UMAD1: variants seen among roughly 807,000 people sequenced by gnomAD.
UMAD1 encodes UBAP1-MVB12-associated (UMA)-domain containing protein 1.
A neutral mutation model predicts 6.1 loss-of-function variants in UMAD1; 8 were observed. That is an observed-to-expected ratio of 1.30 (90% CI 0.76 to 2.35). UMAD1 has a LOEUF of 2.35. Ranked by LOEUF, UMAD1 falls within the 30% of genes most tolerant of loss-of-function variation. The pLI, the probability that UMAD1 is intolerant of heterozygous loss-of-function variation, is 0.00. For synonymous variants in UMAD1, 56 were observed against 31.4 expected (o/e 1.78, Z -2.61); for missense variants, 130 against 78.4 (o/e 1.66, Z -2.49).
intron 2 of UMAD1, among the ~76,000 whole-genome samples, chr7:7,789,634 C>A (rs1782531118): frequency 7.0e-6 from 1 of 143,864 alleles, no homozygotes; most frequent in Non-Finnish European, 1.5e-5. Flanking sequence ...TCCCCACAGA[C>A]CCTGGAAACC....
chr7:7,713,469 T>TC (rs957168249), intron 2 of UMAD1, among the ~76,000 whole-genome samples: 5 of 150,982 alleles, frequency 3.3e-5, no homozygotes, highest in Middle Eastern at 3.4e-3. Flanking sequence ...GTTCTGCTCC[T>TC]CCCCCCCATG....
At chr7:7,755,141 A>G (rs1456857212) in intron 2 of UMAD1, among the ~76,000 whole-genome samples, 1 of 152,172 alleles carries the variant, frequency 6.6e-6, no homozygotes, top group Non-Finnish European at 1.5e-5. Flanking sequence ...TCTCACTGCT[A>G]TTTTAATATG....
At chr7:7,828,719 C>T (rs1029343390) in intron 3 of UMAD1, among the ~76,000 whole-genome samples, 5 of 145,982 alleles carry the variant, frequency 3.4e-5, no homozygotes, top group Admixed American at 2.8e-4. Context: ...GCCTTTGAAG[C>T]TCTCCTGAAC....
In UMAD1 at chr7:7,830,889, T is replaced by C. The variant is rs1355225511; in HGVS notation, c.156+29146T>C. Among the ~76,000 whole-genome samples, 1 of 152,166 alleles carries C rather than the reference T, an allele frequency of 6.6e-6. No homozygotes were observed. Among genetic ancestry groups the C allele is most frequent in the African/African-American group, 2.4e-5 (1 of 41,442 alleles). ...TCTGCATAGAAAAATTTGTTATTAGTTTTTATGAATAAGCCAATCACCCAA... is the reference window on the plus strand; with the variant it reads ...TCTGCATAGAAAAATTTGTTATTAGCTTTTATGAATAAGCCAATCACCCAA... On this transcript the variant is annotated intron_variant, in intron 3 of 3. Transcript: ENST00000682710. The surrounding 1 kb of genome is among the most constrained non-coding windows in gnomAD (Gnocchi z 5.3).
intron 2 of UMAD1, among the ~76,000 whole-genome samples, chr7:7,778,265 TGTGTGTGTGTGAGA>T (rs1159498168): frequency 4.6e-5 from 5 of 109,402 alleles, no homozygotes; most frequent in African/African-American, 9.4e-5. Context: ...TGTGTGTGTG[TGTGTGTGTGTGAGA>T]GAGAGAGAGA....
intron 3 of UMAD1, among the ~76,000 whole-genome samples, chr7:7,858,370 T>TATC (rs1456505523): frequency 6.6e-6 from 1 of 152,208 alleles, no homozygotes; most frequent in Admixed American, 6.5e-5. Flanking sequence ...GAATTCTGAT[T>TATC]ATCAACTCAC....
intron 1 of UMAD1, among the ~76,000 whole-genome samples, chr7:7,665,739 G>C (rs565682191): frequency 1.3e-5 from 2 of 151,174 alleles, no homozygotes; most frequent in Admixed American, 1.3e-4. Flanking sequence ...TTCTTTCACT[G>C]TACACTAGTT....
intron 3 of UMAD1, among the ~76,000 whole-genome samples, chr7:7,831,146 G>A (rs1234456534): frequency 6.6e-6 from 1 of 152,096 alleles, no homozygotes; most frequent in Non-Finnish European, 1.5e-5. Context: ...TTAATTTGAT[G>A]TAAATCCTCA....
chr7:7,868,976 G>A (rs1276508028), intron 3 of UMAD1, among the ~76,000 whole-genome samples: 2 of 152,152 alleles, frequency 1.3e-5, no homozygotes, highest in East Asian at 3.8e-4. Context: ...CTGGGAACTT[G>A]GAGAAAAAGA....
intron 2 of UMAD1, among the ~76,000 whole-genome samples, chr7:7,786,461 A>G (rs1292277345): frequency 6.6e-6 from 1 of 152,172 alleles, no homozygotes; most frequent in African/African-American, 2.4e-5. Flanking sequence ...ATTACTGAAA[A>G]TGTCAACCAT....
At chr7:7,642,990 G>A (rs1785009430) in intron 1 of UMAD1, among the ~76,000 whole-genome samples, 1 of 152,132 alleles carries the variant, frequency 6.6e-6, no homozygotes, top group Non-Finnish European at 1.5e-5. Flanking sequence ...ATTCATCTAT[G>A]TTGACGAATG....
intron 2 of UMAD1, among the ~76,000 whole-genome samples, chr7:7,695,143 T>C (rs1780279219): frequency 6.6e-6 from 1 of 152,220 alleles, no homozygotes; most frequent in Non-Finnish European, 1.5e-5. Context: ...ATCAGTAATG[T>C]TGAGCACCTT....
At chr7:7,831,629 C>T (rs767761731) in intron 3 of UMAD1, among the ~76,000 whole-genome samples, 10 of 152,134 alleles carry the variant, frequency 6.6e-5, no homozygotes, top group Admixed American at 1.3e-4. Context: ...GTTGAGAGCC[C>T]GGAACTGGGA....
At chr7:7,653,493 T>C (rs1314237915) in intron 1 of UMAD1, among the ~76,000 whole-genome samples, 1 of 152,114 alleles carries the variant, frequency 6.6e-6, no homozygotes, top group Non-Finnish European at 1.5e-5. Flanking sequence ...GGTTTTCACA[T>C]GTATAGCATT....
intron 1 of UMAD1, among the ~76,000 whole-genome samples, chr7:7,644,711 A>G (rs1375046218): frequency 6.6e-6 from 1 of 152,068 alleles, no homozygotes; most frequent in African/African-American, 2.4e-5. Context: ...CTATTTTTCT[A>G]TCCCTGAACC....
intron 3 of UMAD1, among the ~76,000 whole-genome samples, chr7:7,860,785 AAAAT>A (rs796307774): frequency 1.4e-3 from 60 of 44,374 alleles, no homozygotes; most frequent in African/African-American, 3.5e-3. Flanking sequence ...AAAAAAAAAA[AAAAT>A]AACAAAAAAA....
chr7:7,641,340 G>T (rs17466949), intron 1 of UMAD1, among the ~76,000 whole-genome samples: 25,405 of 152,124 alleles, frequency 0.17, 2,726 homozygotes, highest in Non-Finnish European at 0.25. Flanking sequence ...CCAGTACTAG[G>T]GGAGACAAGC....
chr7:7,873,890 C>T (rs377345515), intron 3 of UMAD1, among the ~76,000 whole-genome samples: 1 of 152,174 alleles, frequency 6.6e-6, no homozygotes, highest in Non-Finnish European at 1.5e-5. Context: ...TCATTTACAT[C>T]GTAACACCTA....
chr7:7,800,057 G>A (rs1583834210), intron 2 of UMAD1, among the ~76,000 whole-genome samples: 1 of 152,090 alleles, frequency 6.6e-6, no homozygotes, highest in Non-Finnish European at 1.5e-5. Flanking sequence ...CTAATTTTGT[G>A]TTTTTAGTAG....
Sources: allele counts gnomAD v4.1 joint callset (sites outside exome capture counted in the v4.1 genomes callset), GRCh38; gene constraint gnomAD v4.1.1; non-coding constraint Gnocchi (gnomAD v3.1); transcripts MANE v1.5; gene names NCBI Gene and HGNC (gene_info 2026-07-23, HGNC 2026-07-21).